Variants in FUOM observed in about 807,000 individuals in gnomAD.
FUOM encodes protein fucU homolog.
Under a neutral mutation model 18.3 loss-of-function variants are expected in FUOM, and 19 were observed. The observed-to-expected ratio is 1.04, with a 90% CI of 0.73 to 1.53. The LOEUF is 1.53. Ranked by LOEUF, FUOM falls within the 40% of genes most tolerant of loss-of-function variation. The pLI, the probability that FUOM is intolerant of heterozygous loss-of-function variation, is 0.00. For synonymous variants in FUOM, 102 were observed against 87.9 expected (o/e 1.16, Z -0.90); for missense variants, 210 against 200.9 (o/e 1.04, Z -0.27).
At chr10:133,354,155 G>A (rs1022399956), downstream of FUOM, among the ~76,000 whole-genome samples, 2 of 152,166 alleles carry the variant, frequency 1.3e-5, no homozygotes, top group Non-Finnish European at 2.9e-5. Flanking sequence ...CAACCAGCTC[G>A]TACACCGCTG....
Position 133,357,263 on chromosome 10 carries a change from G to A in FUOM, c.86-8C>T. The A allele has an allele frequency of 6.4e-7, 1 of 1,570,456 alleles. No individual in the cohort carries two copies. Among genetic ancestry groups the A allele is most frequent in the East Asian group, 2.4e-5 (1 of 41,808 alleles). On this transcript the variant is annotated splice_region_variant and splice_polypyrimidine_tract_variant and intron_variant, in intron 1 of 5. Coordinates refer to ENST00000278025, the MANE Select transcript of FUOM (RefSeq NM_001098483.3). ...AGTTCAAGTCCGCAAGAACTAAACA[G>A]CCGGGAGGACAGCCCGTGTCGGCAC... is the stretch of plus-strand genomic sequence containing the variant.
chr10:133,357,890 G>GTGCT, intron 1 of FUOM, 33 bp downstream of exon 1: 5 of 1,503,800 alleles, frequency 3.3e-6, no homozygotes, highest in Non-Finnish European at 2.7e-6. Flanking sequence ...CTGTCCCGGG[G>GTGCT]TGCTCCCCGA....
chr10:133,356,266 C>A (rs1848792221), intron 4 of FUOM, among the ~76,000 whole-genome samples: 1 of 152,214 alleles, frequency 6.6e-6, no homozygotes, highest in Non-Finnish European at 1.5e-5. Flanking sequence ...CCAACCATAG[C>A]CAGGATGGGG....
chr10:133,353,093 C>A (rs1045175147), downstream of FUOM, among the ~76,000 whole-genome samples: 2 of 152,220 alleles, frequency 1.3e-5, no homozygotes, highest in African/African-American at 4.8e-5. Flanking sequence ...CCACCCTGGG[C>A]TCCCTACAGC....
downstream of FUOM, among the ~76,000 whole-genome samples, chr10:133,353,317 A>G (rs1269299053): frequency 6.6e-6 from 1 of 152,184 alleles, no homozygotes; most frequent in Admixed American, 6.5e-5. Context: ...AGCAGGCCCA[A>G]TGCTGCAGCG....
At position 133,356,963 on chromosome 10, in the gene FUOM, C is replaced by G; in HGVS notation, c.205G>C (p.Asp69His). 3.2e-6 allele frequency: 5 copies of G among 1,550,342 alleles called. No individual in the cohort carries two copies. Among genetic ancestry groups the G allele is most frequent in the Non-Finnish European group, 4.4e-6 (5 of 1,146,976 alleles). The change falls in exon 3 of 6, where the codon GAC (aspartate) becomes CAC (histidine). Residue 69 changes from aspartate to histidine, a missense_variant. Coordinates refer to ENST00000278025, the MANE Select transcript of FUOM (RefSeq NM_001098483.3). ...LEAVLKLLPL[D>H]TYVESPAAVM... ...CTCACCGGACTCTCCACATAGGTGTCCAGGGGCAGCAGCTTCAGCACGGCC... is the reference window on the plus strand; with the variant it reads ...CTCACCGGACTCTCCACATAGGTGTGCAGGGGCAGCAGCTTCAGCACGGCC...
Position 133,355,368 on chromosome 10 carries a change from G to C in FUOM, c.*2C>G. ...TTCCGGCCCAGGTGGTCTTCACCAG[G>C]CCTACAGCAGGGGGTTGAGGGCAAG... On this transcript the variant is annotated 3_prime_UTR_variant, in exon 6 of 6. Coordinates refer to ENST00000278025, the MANE Select transcript of FUOM (RefSeq NM_001098483.3). The C allele has an allele frequency of 6.2e-7, 1 of 1,602,226 alleles. No individual in the cohort carries two copies. Among genetic ancestry groups the C allele is most frequent in the South Asian group, 1.1e-5 (1 of 89,626 alleles).
intron 1 of FUOM, 188 bp from the exon 2 acceptor site, chr10:133,357,443 G>A: frequency 4.6e-6 from 3 of 651,768 alleles, no homozygotes; most frequent in African/African-American, 1.8e-5. Context: ...GCGGGGAGGT[G>A]GGGAGGGCAA....
intron 2 of FUOM, 36 bp downstream of exon 2, chr10:133,357,151 G>A (rs530241086): frequency 4.6e-6 from 5 of 1,075,360 alleles, no homozygotes; most frequent in Middle Eastern, 2.1e-4. Context: ...CCGCTCACCC[G>A]CCCGCCCTGC....
At chr10:133,356,137 C>G (rs994235211) in intron 4 of FUOM, among the ~76,000 whole-genome samples, 2 of 152,230 alleles carry the variant, frequency 1.3e-5, no homozygotes, top group Non-Finnish European at 2.9e-5. Flanking sequence ...CCCTGGCCCC[C>G]CTTATGGAGG....
downstream of FUOM, among the ~76,000 whole-genome samples, chr10:133,353,910 A>G (rs1848722429): frequency 6.7e-6 from 1 of 150,370 alleles, no homozygotes; most frequent in African/African-American, 2.4e-5. Flanking sequence ...AAGACCCTGG[A>G]TCTCTGAGTT....
chr10:133,356,152 G>T (rs559646620), intron 4 of FUOM, among the ~76,000 whole-genome samples: 19 of 152,342 alleles, frequency 1.2e-4, no homozygotes, highest in African/African-American at 4.3e-4. Context: ...TGGAGGCCCT[G>T]CTCAAGACCT....
intron 4 of FUOM, among the ~76,000 whole-genome samples, chr10:133,356,103 G>C (rs965686154): frequency 6.6e-6 from 1 of 152,200 alleles, no homozygotes; most frequent in Non-Finnish European, 1.5e-5. Flanking sequence ...GTCCTGGGGG[G>C]AGTCCCCTGC....
chr10:133,353,842 C>T (rs542318870), downstream of FUOM, among the ~76,000 whole-genome samples: 2 of 152,194 alleles, frequency 1.3e-5, no homozygotes, highest in Non-Finnish European at 1.5e-5. Flanking sequence ...GGGATCAACA[C>T]GCTCAGGGCT....
chr10:133,357,239 G>C lies in FUOM; in HGVS notation c.102C>G (p.Asn34Lys), dbSNP rs537469092. 16 of 1,580,908 alleles carry C rather than the reference G, an allele frequency of 1.0e-5. No individual in the cohort carries two copies. The highest frequency in any genetic ancestry group is 1.4e-5 in the Non-Finnish European group (16 of 1,164,618). The change falls in exon 2 of 6, where the codon AAC becomes AAG. Residue 34 changes from asparagine to lysine, a missense_variant. Physicochemically the swap from Asn to Lys is moderately conservative, Grantham distance 94. Transcript: ENST00000278025. ...HGDEIVLADLNFPASSICQCG... is the reference protein window; with the variant it reads ...HGDEIVLADLKFPASSICQCG... ...ACTGGCAGATGGAGGAGGCCGGGAA[G>C]TTCAAGTCCGCAAGAACTAAACAGC...
chr10:133,357,244 A>G lies in FUOM; in HGVS notation c.97T>C (p.Leu33=). ...GHGDEIVLAD[L]NFPASSICQC... Reference sequence around the variant, plus strand: ...CAGATGGAGGAGGCCGGGAAGTTCAAGTCCGCAAGAACTAAACAGCCGGGA... The same window carrying G: ...CAGATGGAGGAGGCCGGGAAGTTCAGGTCCGCAAGAACTAAACAGCCGGGA... Residue 33 remains leucine, a synonymous_variant, in exon 2 of 6, where the codon TTG becomes CTG. Transcript: ENST00000278025. 2.5e-6 allele frequency: 4 copies of G among 1,580,232 alleles called. No homozygotes were observed. Among genetic ancestry groups the G allele is most frequent in the Non-Finnish European group, 3.4e-6 (4 of 1,164,168 alleles).
At chr10:133,354,470 C>T (rs563133004), downstream of FUOM, among the ~76,000 whole-genome samples, 149 of 152,308 alleles carry the variant, frequency 9.8e-4, no homozygotes, top group African/African-American at 3.4e-3. Context: ...ACACCAGCCC[C>T]AGGCCCTGGG....
Position 133,356,943 on chromosome 10 carries a change from C to G in FUOM, c.225G>C (p.Pro75=). The G allele has an allele frequency of 6.5e-7, 1 of 1,550,224 alleles. No homozygotes were observed. Among genetic ancestry groups the G allele is most frequent in the Non-Finnish European group, 8.7e-7 (1 of 1,146,874 alleles). ...GGTGCAGGGGCGACTCAGCCCTCACCGGACTCTCCACATAGGTGTCCAGGG... is the reference window on the plus strand; with the variant it reads ...GGTGCAGGGGCGACTCAGCCCTCACGGGACTCTCCACATAGGTGTCCAGGG... ...LLPLDTYVES[P]AAVMELVPSD... is the part of the protein sequence containing the mutation. The change falls in exon 3 of 6, where the codon CCG becomes CCC. Residue 75 remains proline, a splice_region_variant and synonymous_variant. Coordinates refer to ENST00000278025, the MANE Select transcript of FUOM (RefSeq NM_001098483.3).
rs150098305 is a variant in FUOM at position 133,355,312 on chromosome 10, G to A, written c.*58C>T. On this transcript the variant is annotated 3_prime_UTR_variant, in exon 6 of 6. Transcript: ENST00000278025. ...ACTGGGAGGCCTGTTGTGAGTGGTG[G>A]TACTGGAGCTCAGGGTGCCCCCAGT... is the stretch of plus-strand genomic sequence containing the variant. 3.6e-3 allele frequency: 5,509 copies of A among 1,531,102 alleles called. 18 individuals are homozygous for A. The highest frequency in any genetic ancestry group is 4.4e-3 in the Non-Finnish European group (5,057 of 1,143,464). 94.8% of individuals were successfully genotyped at this position (1,531,102 alleles called of 1,614,324 possible).
Sources: gnomAD v4.1 joint callset for allele counts (sites outside exome capture counted in the v4.1 genomes callset) on GRCh38, gnomAD v4.1.1 for gene constraint, MANE v1.5 for transcripts, NCBI Gene and HGNC (gene_info 2026-07-23, HGNC 2026-07-21) for gene names.